The following PLAG1 variants were observed in gnomAD, a reference collection of about 807,000 sequenced individuals.
PLAG1 encodes zinc finger protein PLAG1.
A neutral mutation model predicts 35.5 loss-of-function variants in PLAG1; 7 were observed. The observed-to-expected ratio is 0.20, with a 90% confidence interval of 0.11 to 0.37. The LOEUF (loss-of-function observed/expected upper bound fraction) is 0.37. Among genes scored for constraint, PLAG1 ranks in the 10% least tolerant of loss-of-function variants. PLAG1 has a pLI of 1.00. For missense variants in PLAG1, 454 were observed against 602.8 expected, an observed-to-expected ratio of 0.75 and a Z score of 2.58; for synonymous variants, 229 against 225.4, an observed-to-expected ratio of 1.02 and a Z score of -0.14.
chr8:56,199,655 C>T (rs1022033829), intron 1 of PLAG1, among the ~76,000 whole-genome samples: 5 of 152,102 alleles, frequency 3.3e-5, no homozygotes, highest in African/African-American at 9.7e-5. Flanking sequence ...CCAGAAGCCC[C>T]GGTATACAGC....
At chr8:56,187,327 C>T (rs1449596753) in intron 1 of PLAG1, among the ~76,000 whole-genome samples, 1 of 152,092 alleles carries the variant, frequency 6.6e-6, no homozygotes, top group Non-Finnish European at 1.5e-5. Context: ...GGAGAGGGCC[C>T]GAAAACATGA....
chr8:56,177,422 C>A (rs73594296), intron 2 of PLAG1, among the ~76,000 whole-genome samples: 5,501 of 152,184 alleles, frequency 0.036, 146 homozygotes, highest in African/African-American at 0.076. Flanking sequence ...TCCAGAGGAC[C>A]CCATGTACTC....
chr8:56,179,784 T>C (rs1811811309), intron 1 of PLAG1, among the ~76,000 whole-genome samples: 1 of 128,142 alleles, frequency 7.8e-6, no homozygotes, highest in African/African-American at 3.1e-5. Context: ...TTTACTGTCA[T>C]TTCTCAAAAC....
At chr8:56,173,601 A>T (rs76614716) in intron 2 of PLAG1, among the ~76,000 whole-genome samples, 1 of 151,522 alleles carries the variant, frequency 6.6e-6, no homozygotes, top group Admixed American at 6.6e-5. Context: ...AAAAAAAAAA[A>T]CTCACAAAGA....
At chr8:56,183,369 T>C (rs1811927376) in intron 1 of PLAG1, among the ~76,000 whole-genome samples, 1 of 152,194 alleles carries the variant, frequency 6.6e-6, no homozygotes, top group African/African-American at 2.4e-5. Flanking sequence ...TGAAGTGTGA[T>C]ATGCATGTGA....
At chr8:56,189,893 A>G (rs1812134083) in intron 1 of PLAG1, among the ~76,000 whole-genome samples, 1 of 152,050 alleles carries the variant, frequency 6.6e-6, no homozygotes, top group African/African-American at 2.4e-5. Context: ...TGTCTTAAGG[A>G]AAGTGGTGGG....
chr8:56,191,368 G>A (rs2129231066), intron 1 of PLAG1, among the ~76,000 whole-genome samples: 1 of 152,304 alleles, frequency 6.6e-6, no homozygotes, highest in Non-Finnish European at 1.5e-5. Flanking sequence ...CAGGAGCAAG[G>A]AAGGAAGTGG....
rs1811689525 is a variant in PLAG1 at position 56,176,209 on chromosome 8, C to T, written c.-217+3200G>A. 3.3e-5 allele frequency among the ~76,000 whole-genome samples: 5 copies of T among 151,874 alleles called. No homozygotes were observed. In the South Asian group the frequency reaches 8.3e-4, roughly 25 times the overall value. ...GGATTACAGGCATGTACCATCATAC[C>T]CGGCTAATTTTTTGTTATCTTTAGT... is the stretch of plus-strand genomic sequence containing the variant. On this transcript the variant is annotated intron_variant, in intron 2 of 4. Transcript: ENST00000316981.
In PLAG1 at chr8:56,171,140, T is replaced by A. The variant is rs183630522; in HGVS notation, c.-167A>T. 1.0e-6 allele frequency: 1 copy of A among 983,816 alleles called. No individual in the cohort carries two copies. Among genetic ancestry groups the A allele is most frequent in the East Asian group, 1.1e-4 (1 of 8,802 alleles). The allele number at this position is 983,816 out of a possible 1,614,324, so 60.9% of individuals were successfully genotyped here. A position where few individuals can be genotyped will look rare whatever the true frequency, so the allele number is the denominator to read the frequency against. ...AGACTTTGATCTTAGCCAGTCCCAT[T>A]GACTCTTCGTGGAAGAGAGTGGAAT... is the stretch of plus-strand genomic sequence containing the variant. On this transcript the variant is annotated 5_prime_UTR_variant, in exon 3 of 5. Coordinates refer to ENST00000316981, the MANE Select transcript of PLAG1 (RefSeq NM_002655.3).
chr8:56,186,682 TAAAAA>T (rs34806294), intron 1 of PLAG1, among the ~76,000 whole-genome samples: 1 of 138,612 alleles, frequency 7.2e-6, no homozygotes, highest in African/African-American at 2.7e-5. Flanking sequence ...TGGTTAGCAT[TAAAAA>T]AAAAAAAAAA....
intron 2 of PLAG1, among the ~76,000 whole-genome samples, chr8:56,173,867 C>A (rs1811613245): frequency 6.6e-6 from 1 of 152,058 alleles, no homozygotes; most frequent in African/African-American, 2.4e-5. Context: ...TTACATTATT[C>A]TAAAACAGTG....
intron 1 of PLAG1, among the ~76,000 whole-genome samples, chr8:56,186,680 AT>A (rs1300209931): frequency 7.0e-6 from 1 of 142,468 alleles, no homozygotes; most frequent in Non-Finnish European, 1.5e-5. Flanking sequence ...GCTGGTTAGC[AT>A]TAAAAAAAAA....
At chr8:56,199,080 G>A (rs1171031710) in intron 1 of PLAG1, among the ~76,000 whole-genome samples, 1 of 152,202 alleles carries the variant, frequency 6.6e-6, no homozygotes, top group African/African-American at 2.4e-5. Context: ...TAAAGGTACC[G>A]CAGGAGTGGG....
At chr8:56,189,331 C>T (rs1812113815) in intron 1 of PLAG1, among the ~76,000 whole-genome samples, 1 of 152,164 alleles carries the variant, frequency 6.6e-6, no homozygotes, top group South Asian at 2.1e-4. Flanking sequence ...CTTGACTTGG[C>T]CCACCCTCTA....
intron 2 of PLAG1, among the ~76,000 whole-genome samples, chr8:56,172,772 C>A (rs967919559): frequency 2.6e-5 from 4 of 152,132 alleles, no homozygotes; most frequent in Admixed American, 2.6e-4. Context: ...GGTTAGCAAA[C>A]CAATTTGCAA....
At position 56,165,015 on chromosome 8, in the gene PLAG1, G is replaced by T. The variant is rs1585771497; in HGVS notation, c.*1228C>A. On this transcript the variant is annotated 3_prime_UTR_variant, in exon 5 of 5. Transcript: ENST00000316981. The stretch of plus-strand genomic sequence containing the variant: ...CTCCATCCAAAATATTGCAAGGAAA[G>T]ATGGATTCACATTGAATCAGAAAGA... 9.7e-6 allele frequency: 2 copies of T among 207,128 alleles called. No individual in the cohort carries two copies. The highest frequency in any genetic ancestry group is 2.0e-5 in the Non-Finnish European group (2 of 101,550). The allele number at this position is 207,128 out of a possible 1,614,324, so 12.8% of individuals were successfully genotyped here.
At chr8:56,176,152 C>T (rs1378945731) in intron 2 of PLAG1, among the ~76,000 whole-genome samples, 1 of 150,718 alleles carries the variant, frequency 6.6e-6, no homozygotes, top group East Asian at 1.9e-4. Flanking sequence ...CAGGTGTAAG[C>T]GATTCTCATG....
chr8:56,167,003 A>C lies in PLAG1; in HGVS notation c.743T>G (p.Val248Gly). 1 of 1,614,174 alleles carries C rather than the reference A, an allele frequency of 6.2e-7. No individual in the cohort carries two copies. ...QELLKVKTEP[V>G]DFLDPFTCNV... ...GCAGGTAAATGGGTCAAGGAAATCC[A>C]CTGGTTCTGTTTTGACCTTCAGAAG... The change falls in exon 5 of 5, where the codon GTG (valine) becomes GGG (glycine). Residue 248 changes from valine (V) to glycine (G), a missense_variant. By Grantham distance (109) the Val-to-Gly change is moderately radical. Transcript: ENST00000316981. This position sits in a 1 kb window ranked among gnomAD's most constrained non-coding sequence, Gnocchi z 5.9.
chr8:56,206,354 A>G (rs1456585199), intron 1 of PLAG1, among the ~76,000 whole-genome samples: 1 of 152,088 alleles, frequency 6.6e-6, no homozygotes, highest in Non-Finnish European at 1.5e-5. Context: ...TAATAGCTCA[A>G]TACTTTTATA....
Sources: allele counts gnomAD v4.1 joint callset (sites outside exome capture counted in the v4.1 genomes callset), GRCh38; gene constraint gnomAD v4.1.1; non-coding constraint Gnocchi (gnomAD v3.1); transcripts MANE v1.5; gene names NCBI Gene and HGNC (gene_info 2026-07-23, HGNC 2026-07-21).